The following EOGT variants were observed in gnomAD, a reference collection of about 807,000 sequenced individuals.
EOGT encodes EGF domain-specific O-linked N-acetylglucosamine transferase.
A neutral mutation model predicts 70.5 loss-of-function variants in EOGT; 55 were observed. The observed-to-expected ratio is 0.78, with a 90% confidence interval of 0.63 to 0.98. The LOEUF (loss-of-function observed/expected upper bound fraction) is 0.98, where lower values mean the gene tolerates loss of function less well. EOGT is among the 50% of genes least tolerant of loss of function. EOGT has a pLI of 0.00. For synonymous variants in EOGT, 246 were observed against 217.1 expected (o/e 1.13, Z -1.17); for missense variants, 703 against 641.9 (o/e 1.10, Z -1.03).
intron 9 of EOGT, 131 bp from the exon 10 acceptor site, chr3:68,998,245 T>C: frequency 1.6e-6 from 1 of 611,212 alleles, no homozygotes; most frequent in Non-Finnish European, 2.8e-6. Context: ...AATAACTGTT[T>C]TGTTTTTCCA....
intron 9 of EOGT, among the ~76,000 whole-genome samples, chr3:69,001,032 C>T (rs188147160): frequency 2.0e-5 from 3 of 151,714 alleles, no homozygotes; most frequent in Admixed American, 6.6e-5. Flanking sequence ...TCTTGGCTCA[C>T]TGCAACCTCT....
intron 10 of EOGT, among the ~76,000 whole-genome samples, chr3:68,997,288 G>A (rs1366792006): frequency 6.6e-6 from 1 of 152,014 alleles, no homozygotes; most frequent in African/African-American, 2.4e-5. Flanking sequence ...TTAAGCAAAG[G>A]CAGACAGTAA....
rs767580080 is a variant in EOGT, at chr3:68,998,092, G to C, written c.750C>G (p.Phe250Leu). The part of the protein sequence containing the change: ...LDAGVNMYHH[F>L]CDFINLYITQ... The stretch of plus-strand genomic sequence containing the variant: ...TAATATAAAGATTGATGAAATCACA[G>C]AAGTGGTGATACATGTTAACACCTA... Residue 250 changes from phenylalanine (F) to leucine (L), a missense_variant, in exon 10 of 18, where the codon TTC (phenylalanine) becomes TTG (leucine). By Grantham distance (22) the Phe-to-Leu change is conservative (BLOSUM62 0). Transcript: ENST00000383701. The C allele has an allele frequency of 5.0e-6, 8 of 1,594,720 alleles. No individual in the cohort carries two copies. The South Asian group carries it at 7.9e-5, about 16-fold the overall frequency.
rs1048877869 is a variant in EOGT, at chr3:68,975,909, A to G, written c.*1709T>C. ...TGGATATTTTTTACAACTGTAAAATATTTTTAAAAAATTATTTAGCTATTC... is the reference window on the plus strand; with the variant it reads ...TGGATATTTTTTACAACTGTAAAATGTTTTTAAAAAATTATTTAGCTATTC... On this transcript the variant is annotated 3_prime_UTR_variant, in exon 18 of 18. Transcript: ENST00000383701. 10 of 152,218 alleles carry G rather than the reference A, an allele frequency of 6.6e-5. No homozygotes were observed. The highest frequency in any genetic ancestry group is 1.7e-4 in the African/African-American group (7 of 41,462). The allele number at this position is 152,218 out of a possible 1,614,324, so 9.4% of individuals were successfully genotyped here.
In EOGT at chr3:68,981,190, G is replaced by A. The variant is rs542639476; in HGVS notation, c.1215-1403C>T. ...GCAAGTAAGCATAAAAGTACATTTC[G>A]ATAAATAGTAGCTGTTTTTACAATT... On this transcript the variant is annotated intron_variant, in intron 15 of 17. Coordinates refer to ENST00000383701, the MANE Select transcript of EOGT (RefSeq NM_001278689.2). 3.3e-5 allele frequency among the ~76,000 whole-genome samples: 5 copies of A among 152,300 alleles called. No homozygotes were observed. In the South Asian group the frequency reaches 6.2e-4, roughly 19 times the overall value.
intron 17 of EOGT, among the ~76,000 whole-genome samples, 200 bp from the exon 18 acceptor site, chr3:68,977,964 G>A (rs934928632): frequency 6.6e-6 from 1 of 152,188 alleles, no homozygotes; most frequent in African/African-American, 2.4e-5. Context: ...TTACTCCACT[G>A]TCGTTGAAGT....
chr3:69,008,427 C>T lies in EOGT; in HGVS notation c.311+1G>A. The T allele has an allele frequency of 1.2e-6, 2 of 1,609,108 alleles. No homozygotes were observed. The highest frequency in any genetic ancestry group is 1.1e-5 in the South Asian group (1 of 90,952). Reference sequence around the variant, plus strand: ...AGAGGGTATTCCATATGGAAACTTACCATCCCATGTCGACATAGCTGCAAA... The same window carrying T: ...AGAGGGTATTCCATATGGAAACTTATCATCCCATGTCGACATAGCTGCAAA... On this transcript the variant is annotated splice_donor_variant, in intron 5 of 17. Transcript: ENST00000383701. LOFTEE classifies it high-confidence loss of function.
intron 8 of EOGT, among the ~76,000 whole-genome samples, chr3:69,003,857 T>C (rs1396985165): frequency 2.6e-5 from 4 of 152,220 alleles, no homozygotes; most frequent in African/African-American, 9.6e-5. Context: ...TGTATGCTTT[T>C]ACATACTTTA....
chr3:69,004,070 T>G (rs926824310), intron 8 of EOGT, among the ~76,000 whole-genome samples: 1 of 152,202 alleles, frequency 6.6e-6, no homozygotes, highest in African/African-American at 2.4e-5. Context: ...AAAATTAACA[T>G]TATGTAAGTA....
chr3:69,005,503 C>T (rs2091417416), intron 6 of EOGT, among the ~76,000 whole-genome samples: 1 of 152,028 alleles, frequency 6.6e-6, no homozygotes, highest in Admixed American at 6.6e-5. Flanking sequence ...AAGCCAAGAG[C>T]TGTATATGTG....
At chr3:68,986,535 G>A (rs1294840007) in intron 14 of EOGT, among the ~76,000 whole-genome samples, 1 of 152,134 alleles carries the variant, frequency 6.6e-6, no homozygotes, top group African/African-American at 2.4e-5. Context: ...TTGGTATTCT[G>A]TTTCTAGAAT....
chr3:69,000,951 C>T (rs944077328), intron 9 of EOGT, among the ~76,000 whole-genome samples: 1 of 151,252 alleles, frequency 6.6e-6, no homozygotes, highest in East Asian at 1.9e-4. Context: ...ATACACATGG[C>T]TTTTGATTTT....
At chr3:68,979,821 G>T (rs747806440) in intron 15 of EOGT, 34 bp from the exon 16 acceptor site, 1 of 1,606,006 alleles carries the variant, frequency 6.2e-7, no homozygotes, top group Non-Finnish European at 8.5e-7. Context: ...AGAGAGATGG[G>T]GAGAAGAGAG....
At chr3:69,005,813 G>A (rs1056544685) in intron 6 of EOGT, among the ~76,000 whole-genome samples, 3 of 152,064 alleles carry the variant, frequency 2.0e-5, no homozygotes, top group Non-Finnish European at 4.4e-5. Context: ...AACCAATCTG[G>A]GTTATGCTCA....
At chr3:69,005,708 G>A (rs2091423279) in intron 6 of EOGT, among the ~76,000 whole-genome samples, 1 of 152,156 alleles carries the variant, frequency 6.6e-6, no homozygotes, top group African/African-American at 2.4e-5. Flanking sequence ...AAAGCTTGTG[G>A]GAGCCTCTGT....
chr3:69,010,203 C>T (rs1341032087), intron 3 of EOGT, among the ~76,000 whole-genome samples: 1 of 152,168 alleles, frequency 6.6e-6, no homozygotes, highest in Non-Finnish European at 1.5e-5. Context: ...AACTAGGGGC[C>T]AGCAAACTTT....
At chr3:68,994,554 G>C (rs1275988558) in intron 10 of EOGT, among the ~76,000 whole-genome samples, 1 of 152,202 alleles carries the variant, frequency 6.6e-6, no homozygotes, top group African/African-American at 2.4e-5. Context: ...CACTTTGGGA[G>C]GCCAAGGCAG....
intron 8 of EOGT, among the ~76,000 whole-genome samples, chr3:69,002,226 T>C (rs1040824116): frequency 6.6e-6 from 1 of 152,166 alleles, no homozygotes; most frequent in African/African-American, 2.4e-5. Context: ...AGTCTAGAGA[T>C]GGCTACAGCC....
At chr3:69,013,269 C>T (rs2091621683) in intron 1 of EOGT, among the ~76,000 whole-genome samples, 1 of 151,622 alleles carries the variant, frequency 6.6e-6, no homozygotes, top group Non-Finnish European at 1.5e-5. Context: ...CTGGGAGGGG[C>T]CCCGGGGAGC....
Sources: allele counts gnomAD v4.1 joint callset (sites outside exome capture counted in the v4.1 genomes callset), GRCh38; gene constraint gnomAD v4.1.1; transcripts MANE v1.5; gene names NCBI Gene and HGNC (gene_info 2026-07-23, HGNC 2026-07-21).